SCN9A: variants seen among roughly 807,000 people sequenced by gnomAD.
SCN9A encodes sodium channel protein type 9 subunit alpha.
In SCN9A, 131 loss-of-function variants were observed where a neutral mutation model predicts 187.0. That is an observed-to-expected ratio of 0.70 (90% confidence interval 0.61 to 0.81). SCN9A has a LOEUF of 0.81. SCN9A is among the 30% of genes least tolerant of loss of function. SCN9A has a pLI of 0.00. For missense variants in SCN9A, 2,252 were observed against 2,396.6 expected, an observed-to-expected ratio of 0.94 and a Z score of 1.26; for synonymous variants, 809 against 808.6, an observed-to-expected ratio of 1.00 and a Z score of -0.01.
intron 24 of SCN9A, among the ~76,000 whole-genome samples, chr2:166,213,877 C>G (rs1694205679): frequency 1.3e-5 from 2 of 151,972 alleles, no homozygotes; most frequent in Admixed American, 6.6e-5. Flanking sequence ...CAGAAAATAC[C>G]CATATCAAAA....
At chr2:166,206,864 T>G (rs1250280945) in intron 24 of SCN9A, among the ~76,000 whole-genome samples, 1 of 152,232 alleles carries the variant, frequency 6.6e-6, no homozygotes, top group Non-Finnish European at 1.5e-5. Flanking sequence ...CTTTATTGGA[T>G]GTCAACATTA....
At chr2:166,212,239 C>T (rs187571010) in intron 24 of SCN9A, among the ~76,000 whole-genome samples, 30 of 152,220 alleles carry the variant, frequency 2.0e-4, no homozygotes, top group African/African-American at 7.2e-4. Flanking sequence ...AAAAATTTGA[C>T]CCTCTGTATC....
At chr2:166,279,687 G>A (rs1244525211) in intron 14 of SCN9A, among the ~76,000 whole-genome samples, 1 of 152,070 alleles carries the variant, frequency 6.6e-6, no homozygotes, top group East Asian at 1.9e-4. Context: ...TGATGACAAT[G>A]ATGTTGATGA....
In SCN9A at chr2:166,217,197, T is replaced by G. The variant is rs749460304; in HGVS notation, c.4398+9370A>C. Among the ~76,000 whole-genome samples, 2 of 152,194 alleles carry G rather than the reference T, an allele frequency of 1.3e-5. 1 individual carries two copies. Among genetic ancestry groups the G allele is most frequent in the South Asian group, 4.1e-4 (2 of 4,828 alleles). On this transcript the variant is annotated intron_variant, in intron 24 of 26. Coordinates refer to ENST00000642356, the MANE Select transcript of SCN9A (RefSeq NM_001365536.1). ...AAATTGGGCCCTTTCTCATACCATA[T>G]GTTTATAAAACCAAACAAGTAAAAG...
rs1269325856 is a variant in SCN9A, at chr2:166,238,184, G to T, written c.3711C>A (p.Phe1237Leu). ...TCCATTTTAGAAGCATTTCCAGAAT[G>T]AAGATGTAAGTGAAGATCTTGTCTG... is the stretch of plus-strand genomic sequence containing the variant. ...EYADKIFTYI[F>L]ILEMLLKWIA... The change falls in exon 20 of 27, where the codon TTC becomes TTA. Residue 1237 changes from phenylalanine to leucine, a missense_variant. Phe to Leu is a conservative substitution (Grantham distance 22). Coordinates refer to ENST00000642356, the MANE Select transcript of SCN9A (RefSeq NM_001365536.1). The T allele has an allele frequency of 3.7e-6, 6 of 1,607,360 alleles. No individual in the cohort carries two copies. The highest frequency in any genetic ancestry group is 5.1e-6 in the Non-Finnish European group (6 of 1,175,310).
chr2:166,215,684 A>G (rs1380524693), intron 24 of SCN9A, among the ~76,000 whole-genome samples: 1 of 151,686 alleles, frequency 6.6e-6, no homozygotes, highest in Non-Finnish European at 1.5e-5. Context: ...CTTTAGAAAC[A>G]TGCAACCTAC....
intron 24 of SCN9A, among the ~76,000 whole-genome samples, chr2:166,224,354 G>A (rs1041305373): frequency 6.6e-6 from 1 of 152,074 alleles, no homozygotes; most frequent in African/African-American, 2.4e-5. Context: ...GTAAATGTCA[G>A]GATAAATAAT....
chr2:166,317,599 C>T (rs1202293562), intron 1 of SCN9A, among the ~76,000 whole-genome samples: 1 of 152,156 alleles, frequency 6.6e-6, no homozygotes, highest in Non-Finnish European at 1.5e-5. Context: ...CAGACACACA[C>T]ATATATATAG....
rs139281008 is a variant in SCN9A at position 166,250,615 on chromosome 2, G to C, written c.3472+1150C>G. Among the ~76,000 whole-genome samples, 17 of 152,166 alleles carry C rather than the reference G, an allele frequency of 1.1e-4. No individual in the cohort carries two copies. The East Asian group carries it at 3.3e-3, about 29-fold the overall frequency. On this transcript the variant is annotated intron_variant, in intron 18 of 26. Transcript: ENST00000642356. ...TCTGGGCTTGTATTTTTACCTAGAT[G>C]ATACAATACTTGTTCAGACAATACT...
chr2:166,352,023 T>C (rs1300778306), intron 1 of SCN9A, among the ~76,000 whole-genome samples: 1 of 152,186 alleles, frequency 6.6e-6, no homozygotes, highest in Non-Finnish European at 1.5e-5. Flanking sequence ...ATTGTCTTCA[T>C]TCTATGGCGT....
chr2:166,281,569 TTTA>T, intron 13 of SCN9A, 107 bp downstream of exon 13: 1 of 987,948 alleles, frequency 1.0e-6, no homozygotes, highest in Non-Finnish European at 1.5e-6. Context: ...TTAAAACCAT[TTTA>T]TGGTCTCTGA....
intron 1 of SCN9A, among the ~76,000 whole-genome samples, chr2:166,325,928 G>A (rs145244774): frequency 6.6e-5 from 10 of 152,142 alleles, no homozygotes; most frequent in Non-Finnish European, 1.2e-4. Context: ...TCCTATGTTC[G>A]ATAACATCAC....
At chr2:166,288,804 C>T (rs1205387504) in intron 9 of SCN9A, among the ~76,000 whole-genome samples, 161 bp from the exon 10 acceptor site, 1 of 152,068 alleles carries the variant, frequency 6.6e-6, no homozygotes, top group Non-Finnish European at 1.5e-5. Flanking sequence ...ATATTAAACA[C>T]ATTTTCAGTA....
intron 1 of SCN9A, among the ~76,000 whole-genome samples, chr2:166,348,560 C>T (rs947046749): frequency 2.6e-5 from 4 of 152,100 alleles, no homozygotes; most frequent in Non-Finnish European, 5.9e-5. Context: ...TTTGTCTTAT[C>T]CACAGAATAT....
intron 1 of SCN9A, among the ~76,000 whole-genome samples, chr2:166,354,579 A>G (rs973695374): frequency 2.6e-5 from 4 of 152,212 alleles, no homozygotes; most frequent in African/African-American, 9.7e-5. Context: ...TATTTGAAAC[A>G]TATATTTAAG....
At chr2:166,233,295 C>A (rs1348909666) in intron 21 of SCN9A, 45 bp downstream of exon 21, 3 of 1,345,124 alleles carry the variant, frequency 2.2e-6, no homozygotes, top group Non-Finnish European at 2.0e-6. Flanking sequence ...ATATTTTAAA[C>A]CCCATTAAAA....
intron 1 of SCN9A, among the ~76,000 whole-genome samples, chr2:166,320,232 T>C (rs975388874): frequency 6.6e-6 from 1 of 152,168 alleles, no homozygotes; most frequent in Admixed American, 6.5e-5. Context: ...TTAGTTACCA[T>C]GTGCATTTGT....
intron 1 of SCN9A, among the ~76,000 whole-genome samples, chr2:166,318,383 C>T (rs1488002303): frequency 6.6e-6 from 1 of 151,900 alleles, no homozygotes; most frequent in African/African-American, 2.4e-5. Context: ...CCAACCTGGC[C>T]TTTCTTCCAT....
rs573329574 is a variant in SCN9A at position 166,325,195 on chromosome 2, GA to G, written c.-50-13390del. Among the ~76,000 whole-genome samples the G allele has an allele frequency of 1.4e-3, 219 of 152,042 alleles. 2 individuals carry two copies. The highest frequency in any genetic ancestry group is 5.0e-3 in the African/African-American group (208 of 41,486). On this transcript the variant is annotated intron_variant, in intron 1 of 26. Coordinates refer to ENST00000642356, the MANE Select transcript of SCN9A (RefSeq NM_001365536.1). ...AAGGTAATAATAGCTCAGTGAATTT[GA>G]ATTTATCAGGTAAATGCATTGCCAT... is the stretch of plus-strand genomic sequence containing the variant.
Sources: gnomAD v4.1 joint callset for allele counts (sites outside exome capture counted in the v4.1 genomes callset) on GRCh38, gnomAD v4.1.1 for gene constraint, MANE v1.5 for transcripts, NCBI Gene and HGNC (gene_info 2026-07-23, HGNC 2026-07-21) for gene names.